INVS: variants seen among roughly 807,000 people sequenced by gnomAD.
The protein encoded by INVS is inversion of embryo turning homolog.
In INVS, 86 loss-of-function variants were observed where a neutral mutation model predicts 108.8. The ratio of observed to expected loss-of-function variants is 0.79; its 90% CI spans 0.66 to 0.95. The LOEUF is 0.95. INVS is among the 40% of genes least tolerant of loss of function. The pLI, the probability that INVS is intolerant of heterozygous loss-of-function variation, is 0.00. For synonymous variants in INVS, 455 were observed against 473.5 expected, an observed-to-expected ratio of 0.96 and a Z score of 0.51; for missense variants, 1,169 against 1,297.4, an observed-to-expected ratio of 0.90 and a Z score of 1.52.
At chr9:100,121,707 G>C (rs1184644738) in intron 2 of INVS, among the ~76,000 whole-genome samples, 1 of 150,866 alleles carries the variant, frequency 6.6e-6, no homozygotes, top group Non-Finnish European at 1.5e-5. Context: ...ATTGCTCTCT[G>C]TTCTTATTTT....
intron 10 of INVS, 80 bp downstream of exon 10, chr9:100,253,216 AAC>A (rs1588123777): frequency 9.2e-7 from 1 of 1,090,914 alleles, no homozygotes; most frequent in African/African-American, 1.5e-5. Flanking sequence ...TAAGTAAAAC[AAC>A]AGTTTACAAG....
chr9:100,213,174 T>C (rs990353272), intron 3 of INVS, among the ~76,000 whole-genome samples: 2 of 130,442 alleles, frequency 1.5e-5, no homozygotes, highest in East Asian at 2.5e-4. Context: ...ACCAAGACAT[T>C]GGCGTTAGAA....
At chr9:100,157,431 ATTT>A (rs892323304) in intron 3 of INVS, among the ~76,000 whole-genome samples, 1 of 150,984 alleles carries the variant, frequency 6.6e-6, no homozygotes, top group Non-Finnish European at 1.5e-5. Context: ...CGCCTGGCTA[ATTT>A]TTTTTGTATT....
intron 10 of INVS, among the ~76,000 whole-genome samples, chr9:100,256,335 A>G (rs967040980): frequency 2.0e-5 from 3 of 150,730 alleles, no homozygotes; most frequent in African/African-American, 7.3e-5. Context: ...CTAGTTGTCT[A>G]TCAGTTTTGT....
At chr9:100,294,797 C>A (rs756418243) in intron 14 of INVS, among the ~76,000 whole-genome samples, 3 of 152,218 alleles carry the variant, frequency 2.0e-5, no homozygotes, top group Non-Finnish European at 4.4e-5. Flanking sequence ...GGTGATGTTA[C>A]TACTACCAAT....
intron 7 of INVS, 35 bp downstream of exon 7, chr9:100,242,714 T>G (rs749816861): frequency 5.0e-6 from 6 of 1,205,750 alleles, no homozygotes; most frequent in Non-Finnish European, 4.9e-6. Flanking sequence ...TTTTTCTTAG[T>G]GAAAATTGTT....
chr9:100,266,731 G>C (rs1471619945), intron 11 of INVS, among the ~76,000 whole-genome samples: 1 of 152,126 alleles, frequency 6.6e-6, no homozygotes, highest in Non-Finnish European at 1.5e-5. Context: ...TCCTCTTTAA[G>C]ATGGAGTTCA....
intron 10 of INVS, among the ~76,000 whole-genome samples, chr9:100,262,386 A>G (rs1168448491): frequency 6.6e-6 from 1 of 152,100 alleles, no homozygotes; most frequent in African/African-American, 2.4e-5. Flanking sequence ...TAAATAACCA[A>G]TTCAATTCCA....
At chr9:100,113,958 C>T (rs1827425952) in intron 2 of INVS, among the ~76,000 whole-genome samples, 1 of 152,194 alleles carries the variant, frequency 6.6e-6, no homozygotes, top group Non-Finnish European at 1.5e-5. Flanking sequence ...TGGCTTCCCT[C>T]TTGTTCAACC....
At chr9:100,210,394 A>G (rs1387589985) in intron 3 of INVS, among the ~76,000 whole-genome samples, 4 of 152,200 alleles carry the variant, frequency 2.6e-5, no homozygotes, top group Non-Finnish European at 5.9e-5. Flanking sequence ...ATAGCACTTT[A>G]CATAAAATTC....
intron 3 of INVS, among the ~76,000 whole-genome samples, chr9:100,144,476 G>A (rs1363555800): frequency 1.3e-5 from 2 of 152,116 alleles, no homozygotes; most frequent in East Asian, 1.9e-4. Context: ...GCTGCCAAAC[G>A]AGCCATGAAC....
chr9:100,194,381 T>A (rs946539969), intron 3 of INVS, among the ~76,000 whole-genome samples: 2 of 152,216 alleles, frequency 1.3e-5, no homozygotes, highest in African/African-American at 4.8e-5. Flanking sequence ...AGGTCTTTGA[T>A]CTTTTTGCAT....
chr9:100,100,215 C>A (rs1299010469), intron 1 of INVS, among the ~76,000 whole-genome samples: 1 of 150,770 alleles, frequency 6.6e-6, no homozygotes, highest in Admixed American at 6.6e-5. Context: ...CTTAAAGGGG[C>A]AAAAAATACA....
chr9:100,268,856 G>T (rs1408173393), intron 11 of INVS, among the ~76,000 whole-genome samples: 1 of 152,144 alleles, frequency 6.6e-6, no homozygotes, highest in Non-Finnish European at 1.5e-5. Context: ...CAGGTCCCCT[G>T]ACTCCCAGAT....
At chr9:100,265,006 G>A (rs546426809) in intron 11 of INVS, 78 bp downstream of exon 11, 276 of 936,786 alleles carry the variant, frequency 2.9e-4, no homozygotes, top group Non-Finnish European at 4.5e-4. Flanking sequence ...GCAGTGGCAC[G>A]ATCTTGGCTC....
chr9:100,135,837 A>G (rs1828205559), intron 3 of INVS, among the ~76,000 whole-genome samples: 1 of 152,132 alleles, frequency 6.6e-6, no homozygotes, highest in Non-Finnish European at 1.5e-5. Flanking sequence ...TGAAGGGCTC[A>G]GGTATGGTTT....
intron 3 of INVS, among the ~76,000 whole-genome samples, chr9:100,142,044 C>T (rs542692321): frequency 1.8e-4 from 28 of 152,284 alleles, no homozygotes; most frequent in Non-Finnish European, 2.5e-4. Context: ...ATGCTAGCTG[C>T]TTGTCTAGCC....
At chr9:100,193,769 A>G (rs576476394) in intron 3 of INVS, among the ~76,000 whole-genome samples, 100 of 152,290 alleles carry the variant, frequency 6.6e-4, no homozygotes, top group African/African-American at 2.2e-3. Flanking sequence ...GCATATACCA[A>G]TGATTTATAT....
At chr9:100,291,195 C>T (rs373290807) in intron 13 of INVS, among the ~76,000 whole-genome samples, 1 of 152,110 alleles carries the variant, frequency 6.6e-6, no homozygotes, top group South Asian at 2.1e-4. Flanking sequence ...TCCCAAGTAG[C>T]TGGGACTACA....
Sources: gnomAD v4.1 joint callset for allele counts (sites outside exome capture counted in the v4.1 genomes callset) on GRCh38, gnomAD v4.1.1 for gene constraint, MANE v1.5 for transcripts, NCBI Gene and HGNC (gene_info 2026-07-23, HGNC 2026-07-21) for gene names.